ELL: variants seen among roughly 807,000 people sequenced by gnomAD.
ELL encodes the protein elongation factor for RNA polymerase II.
In ELL, 18 loss-of-function variants were observed where a neutral mutation model predicts 64.0. The observed-to-expected ratio is 0.28, with a 90% confidence interval of 0.19 to 0.42. The LOEUF (loss-of-function observed/expected upper bound fraction) is 0.42. ELL is among the 10% of genes least tolerant of loss of function. The pLI is 1.00. For synonymous variants in ELL, 399 were observed against 376.2 expected (o/e 1.06, Z -0.70); for missense variants, 797 against 870.4 (o/e 0.92, Z 1.06).
At chr19:18,459,911 T>C (rs1974766919) in intron 5 of ELL, among the ~76,000 whole-genome samples, 1 of 152,214 alleles carries the variant, frequency 6.6e-6, no homozygotes, top group African/African-American at 2.4e-5. Flanking sequence ...CATTACTGTG[T>C]GCAGTTTTTT....
intron 1 of ELL, among the ~76,000 whole-genome samples, chr19:18,518,956 G>A (rs532981377): frequency 1.3e-5 from 2 of 152,210 alleles, no homozygotes; most frequent in South Asian, 4.1e-4. Flanking sequence ...TTCTACCTGG[G>A]CTGTTCCCAG....
intron 6 of ELL, among the ~76,000 whole-genome samples, chr19:18,457,178 G>C (rs1247629442): frequency 2.0e-5 from 3 of 152,210 alleles, no homozygotes; most frequent in South Asian, 4.1e-4. Flanking sequence ...TGAATCAGGG[G>C]AGCTGGAGGC....
chr19:18,471,071 ACTCT>A lies in ELL; in HGVS notation c.183+1760_183+1763del. ...AAATTGATTTAGGTACAACATGGTA[ACTCT>A]AAAAGAAAAAAAAAAAGTTGGGTGC... On this transcript the variant is annotated intron_variant, in intron 2 of 11. Transcript: ENST00000262809. The A allele has an allele frequency of 6.9e-6, 3 of 433,618 alleles. No individual in the cohort carries two copies. The Admixed American group carries it at 8.3e-5, about 12-fold the overall frequency. The allele number at this position is 433,618 out of a possible 1,614,324, so 26.9% of individuals were successfully genotyped here. A position where few individuals can be genotyped will look rare whatever the true frequency, so the allele number is the denominator to read the frequency against.
intron 1 of ELL, among the ~76,000 whole-genome samples, chr19:18,505,531 T>G (rs1975864781): frequency 6.6e-6 from 1 of 152,174 alleles, no homozygotes; most frequent in Admixed American, 6.5e-5. Flanking sequence ...TAGGTTTTGG[T>G]GCTTCAACAG....
intron 1 of ELL, among the ~76,000 whole-genome samples, chr19:18,490,642 A>G: frequency 6.6e-6 from 1 of 152,172 alleles, no homozygotes; most frequent in Non-Finnish European, 1.5e-5. Context: ...GACCAAATGC[A>G]TGGTATCTTC....
At position 18,522,045 on chromosome 19, in the gene ELL, A is replaced by G. The variant is rs1355034252; in HGVS notation, c.11T>C (p.Leu4Pro). Residue 4 changes from leucine to proline, a missense_variant, in exon 1 of 12, where the codon CTG becomes CCG. Physicochemically the swap from Leu to Pro is moderately conservative, Grantham distance 98. Coordinates refer to ENST00000262809, the MANE Select transcript of ELL (RefSeq NM_006532.4). ...CAGCCCGTAGCTCCTATCCTCCTTC[A>G]GCGCCGCCATCTTGCGACCATCTCT... MAA[L>P]KEDRSYGLSC... The G allele has an allele frequency of 4.4e-6, 7 of 1,601,598 alleles. No homozygotes were observed. The highest frequency in any genetic ancestry group is 5.1e-6 in the Non-Finnish European group (6 of 1,173,178).
intron 1 of ELL, among the ~76,000 whole-genome samples, chr19:18,482,353 T>C (rs1443493708): frequency 2.4e-5 from 3 of 127,656 alleles, no homozygotes; most frequent in Admixed American, 1.8e-4. Flanking sequence ...GGTCTCGCCC[T>C]GTCACCTAGG....
Position 18,444,797 on chromosome 19 carries a change from C to T in ELL, c.1821G>A (p.Arg607=). The change falls in exon 12 of 12, where the codon AGG becomes AGA. Residue 607 remains arginine (R), a synonymous_variant. Transcript: ENST00000262809. ...GCCGCTGGTCGTACTCGGCGATGAG[C>T]CTCTTGATGTGGGCCAGCTTGCTGT... ...YLHSKLAHIK[R]LIAEYDQRQL... 1 of 1,610,672 alleles carries T rather than the reference C, an allele frequency of 6.2e-7. No homozygotes were observed. The highest frequency in any genetic ancestry group is 8.5e-7 in the Non-Finnish European group (1 of 1,179,914).
At chr19:18,515,039 T>A (rs1400854621) in intron 1 of ELL, among the ~76,000 whole-genome samples, 1 of 152,216 alleles carries the variant, frequency 6.6e-6, no homozygotes. Context: ...ACTACGGCCT[T>A]GGCCGTGAGT....
At chr19:18,456,911 G>A (rs1974690535) in intron 6 of ELL, among the ~76,000 whole-genome samples, 1 of 151,376 alleles carries the variant, frequency 6.6e-6, no homozygotes, top group African/African-American at 2.4e-5. Flanking sequence ...AAGCCATGGT[G>A]TCAAAAACTG....
Position 18,465,827 on chromosome 19 carries a change from C to G in ELL, c.275G>C (p.Ser92Thr). The G allele has an allele frequency of 7.3e-7, 1 of 1,367,430 alleles. No homozygotes were observed. Among genetic ancestry groups the G allele is most frequent in the Non-Finnish European group, 9.5e-7 (1 of 1,051,048 alleles). The allele number at this position is 1,367,430 out of a possible 1,614,324, so 84.7% of individuals were successfully genotyped here. A position where few individuals can be genotyped will look rare whatever the true frequency, so the allele number is the denominator to read the frequency against. The change falls in exon 3 of 12, where the codon AGC becomes ACC. Residue 92 changes from serine (S) to threonine (T), a missense_variant. Coordinates refer to ENST00000262809, the MANE Select transcript of ELL (RefSeq NM_006532.4). The part of the protein sequence containing the change: ...SNIGRDNPQG[S>T]FDCIQQYVSS... ...GACATACTGCTGGATGCAGTCGAAGCTGCCCTGGGGGTTGTCGCGGCCGAT... is the reference window on the plus strand; with the variant it reads ...GACATACTGCTGGATGCAGTCGAAGGTGCCCTGGGGGTTGTCGCGGCCGAT...
chr19:18,461,535 G>GCCTC, intron 5 of ELL, 43 bp downstream of exon 5: 1 of 1,560,078 alleles, frequency 6.4e-7, no homozygotes, highest in Middle Eastern at 2.1e-4. Flanking sequence ...AAGACCATCT[G>GCCTC]CGGAGACCAC....
chr19:18,482,763 T>TTTGTTGCTGTTG, intron 1 of ELL, among the ~76,000 whole-genome samples: 1 of 149,716 alleles, frequency 6.7e-6, no homozygotes, highest in South Asian at 2.1e-4. Context: ...CTTTTTGGTT[T>TTTGTTGCTGTTG]TTGTTGTTGT....
chr19:18,470,613 T>C (rs1464406799), intron 2 of ELL, among the ~76,000 whole-genome samples: 1 of 152,188 alleles, frequency 6.6e-6, no homozygotes, highest in East Asian at 1.9e-4. Flanking sequence ...CCCCTGGAGA[T>C]TCATTATTCC....
chr19:18,512,375 C>A (rs1222250146), intron 1 of ELL, among the ~76,000 whole-genome samples: 1 of 152,072 alleles, frequency 6.6e-6, no homozygotes, highest in Non-Finnish European at 1.5e-5. Context: ...CGGTGACTCA[C>A]GCCTGTAATC....
intron 1 of ELL, among the ~76,000 whole-genome samples, chr19:18,521,281 C>T (rs1488331203): frequency 6.6e-6 from 1 of 152,154 alleles, no homozygotes; most frequent in Non-Finnish European, 1.5e-5. Flanking sequence ...CTGGGACAAG[C>T]TGTCAGTTTC....
intron 1 of ELL, among the ~76,000 whole-genome samples, chr19:18,473,557 G>A (rs1600462318): frequency 6.6e-6 from 1 of 152,204 alleles, no homozygotes; most frequent in East Asian, 1.9e-4. Flanking sequence ...TGGTCACTGA[G>A]CTTGGAGCAG....
At chr19:18,454,460 C>CT (rs1385464065) in intron 6 of ELL, among the ~76,000 whole-genome samples, 20 of 152,098 alleles carry the variant, frequency 1.3e-4, no homozygotes, top group Non-Finnish European at 2.2e-4. Context: ...GATCGCGCCA[C>CT]TGCACTCCAG....
At chr19:18,468,227 TAC>T (rs112698624) in intron 2 of ELL, among the ~76,000 whole-genome samples, 59 of 147,864 alleles carry the variant, frequency 4.0e-4, no homozygotes, top group Non-Finnish European at 5.7e-4. Context: ...AAACAATCCA[TAC>T]ACACACACAC....
Sources: gnomAD v4.1 joint callset for allele counts (sites outside exome capture counted in the v4.1 genomes callset) on GRCh38, gnomAD v4.1.1 for gene constraint, MANE v1.5 for transcripts, NCBI Gene and HGNC (gene_info 2026-07-23, HGNC 2026-07-21) for gene names.